RAB20: variants seen among roughly 807,000 people sequenced by gnomAD.
RAB20 encodes RAB20, member RAS oncogene family, also known as ras-related protein Rab-20.
In RAB20, 2 loss-of-function variants were observed where a neutral mutation model predicts 3.7. That is an observed-to-expected ratio of 0.54 (90% CI 0.22 to 1.69). The LOEUF (loss-of-function observed/expected upper bound fraction) is 1.69. Among genes scored for constraint, RAB20 ranks in the 40% most tolerant of loss-of-function variants. The pLI is 0.19. For synonymous variants in RAB20, 126 were observed against 130.8 expected, an observed-to-expected ratio of 0.96 and a Z score of 0.25; for missense variants, 276 against 311.9, an observed-to-expected ratio of 0.88 and a Z score of 0.87.
intron 1 of RAB20, among the ~76,000 whole-genome samples, chr13:110,542,070 GTTTTAA>G (rs1421802821): frequency 1.3e-5 from 2 of 152,070 alleles, no homozygotes; most frequent in East Asian, 1.9e-4. Context: ...GTTTTGTTTT[GTTTTAA>G]TTTTATTATT....
In RAB20 at chr13:110,525,553, G is replaced by A. The variant is rs1015379104; in HGVS notation, c.173-1356C>T. Among the ~76,000 whole-genome samples the A allele has an allele frequency of 5.0e-4, 76 of 152,228 alleles. 1 individual carries two copies. Among genetic ancestry groups the A allele is most frequent in the African/African-American group, 1.8e-3 (75 of 41,450 alleles). ...TCAAGGGCTACCTAGGAACTTTCTG[G>A]CAGAATTCTGAACCCCTGTCTGTAG... On this transcript the variant is annotated intron_variant, in intron 1 of 1. Coordinates refer to ENST00000267328, the MANE Select transcript of RAB20 (RefSeq NM_017817.3).
intron 1 of RAB20, among the ~76,000 whole-genome samples, chr13:110,536,548 C>T (rs555546125): frequency 6.6e-6 from 1 of 152,254 alleles, no homozygotes; most frequent in South Asian, 2.1e-4. Context: ...GTGAACCCCA[C>T]TAAAGGAGAA....
chr13:110,542,994 G>A (rs1266437467), intron 1 of RAB20, among the ~76,000 whole-genome samples: 2 of 152,170 alleles, frequency 1.3e-5, no homozygotes, highest in Admixed American at 6.5e-5. Flanking sequence ...TCTAACAGGT[G>A]CGACCTGACA....
chr13:110,531,665 T>C (rs1884543398), intron 1 of RAB20, among the ~76,000 whole-genome samples: 1 of 152,170 alleles, frequency 6.6e-6, no homozygotes, highest in African/African-American at 2.4e-5. Context: ...AATCGTGAGA[T>C]TCCTCCCAAA....
At chr13:110,531,112 T>C (rs1327914083) in intron 1 of RAB20, among the ~76,000 whole-genome samples, 2 of 152,180 alleles carry the variant, frequency 1.3e-5, no homozygotes, top group Non-Finnish European at 2.9e-5. Flanking sequence ...AGGCTTCCCT[T>C]TCCCATGTTT....
intron 1 of RAB20, among the ~76,000 whole-genome samples, chr13:110,547,812 T>C (rs749140214): frequency 2.0e-5 from 3 of 152,236 alleles, no homozygotes; most frequent in Non-Finnish European, 4.4e-5. Flanking sequence ...CCAAAGTCTG[T>C]AGACTGGAAC....
In RAB20 at chr13:110,523,850, C is replaced by G. The variant is rs1335250813; in HGVS notation, c.520G>C (p.Ala174Pro). The change falls in exon 2 of 2, where the codon GCC becomes CCC. Residue 174 changes from alanine to proline, a missense_variant. By Grantham distance (27) the Ala-to-Pro change is conservative (BLOSUM62 -1). Coordinates refer to ENST00000267328, the MANE Select transcript of RAB20 (RefSeq NM_017817.3). Reference sequence around the variant, plus strand: ...GTCTCAAAGCACATTTGCTCAGCGGCCGGCACATCCTGCTCATCCAGCATC... The same window carrying G: ...GTCTCAAAGCACATTTGCTCAGCGGGCGGCACATCCTGCTCATCCAGCATC... The part of the protein sequence containing the change: ...YKMLDEQDVP[A>P]AEQMCFETSA... The G allele has an allele frequency of 6.2e-7, 1 of 1,614,216 alleles. No individual in the cohort carries two copies. The highest frequency in any genetic ancestry group is 8.5e-7 in the Non-Finnish European group (1 of 1,180,046).
At chr13:110,559,546 C>T (rs1885097962) in intron 1 of RAB20, among the ~76,000 whole-genome samples, 1 of 152,208 alleles carries the variant, frequency 6.6e-6, no homozygotes, top group Admixed American at 6.5e-5. Flanking sequence ...GCAAGGGCCG[C>T]CTGAGTGTGT....
rs749843687 is a variant in RAB20 at position 110,523,793 on chromosome 13, G to C, written c.577C>G (p.Leu193Val). 1 of 1,614,214 alleles carries C rather than the reference G, an allele frequency of 6.2e-7. No homozygotes were observed. The highest frequency in any genetic ancestry group is 8.5e-7 in the Non-Finnish European group (1 of 1,180,048). Residue 193 changes from leucine (L) to valine (V), a missense_variant, in exon 2 of 2, where the codon CTG (leucine) becomes GTG (valine). Transcript: ENST00000267328. ...SAKTGYNVDL[L>V]FETLFDLVVP... ...ACCAGGTCAAAGAGGGTCTCAAACA[G>C]GAGGTCCACATTGTAGCCGGTCTTG...
In RAB20 at chr13:110,523,301, C is replaced by T. The variant is rs1247105236; in HGVS notation, c.*364G>A. On this transcript the variant is annotated 3_prime_UTR_variant, in exon 2 of 2. Coordinates refer to ENST00000267328, the MANE Select transcript of RAB20 (RefSeq NM_017817.3). Reference sequence around the variant, plus strand: ...GTGGTAACAACCCAGGGTGCTGAAACGGTCAGAGGTGCAGGTGCAGACGCA... The same window carrying T: ...GTGGTAACAACCCAGGGTGCTGAAATGGTCAGAGGTGCAGGTGCAGACGCA... 11 of 455,912 alleles carry T rather than the reference C, an allele frequency of 2.4e-5. No homozygotes were observed. Among genetic ancestry groups the T allele is most frequent in the African/African-American group, 1.2e-4 (6 of 50,442 alleles). 28.2% of individuals were successfully genotyped at this position (455,912 alleles called of 1,614,324 possible).
At chr13:110,558,380 CTTT>C (rs34187531) in intron 1 of RAB20, among the ~76,000 whole-genome samples, 3 of 119,348 alleles carry the variant, frequency 2.5e-5, no homozygotes, top group African/African-American at 9.4e-5. Flanking sequence ...TGTCTTCCCA[CTTT>C]TTTTTTTTTT....
At chr13:110,549,975 C>T (rs915570677) in intron 1 of RAB20, among the ~76,000 whole-genome samples, 7 of 152,206 alleles carry the variant, frequency 4.6e-5, no homozygotes, top group Middle Eastern at 3.2e-3. Flanking sequence ...CTACCCTCCT[C>T]GGCCTCCCAC....
At chr13:110,553,295 T>A (rs1420263044) in intron 1 of RAB20, among the ~76,000 whole-genome samples, 1 of 152,224 alleles carries the variant, frequency 6.6e-6, no homozygotes, top group East Asian at 1.9e-4. Context: ...CTCACTCCAC[T>A]CTAGCTCAGT....
chr13:110,538,663 C>T (rs1884699071), intron 1 of RAB20, among the ~76,000 whole-genome samples: 1 of 150,666 alleles, frequency 6.6e-6, no homozygotes, highest in East Asian at 2.0e-4. Flanking sequence ...AAAGGCTGAG[C>T]AAACCCAAAA....
At chr13:110,541,869 G>A (rs1884769884) in intron 1 of RAB20, among the ~76,000 whole-genome samples, 1 of 150,860 alleles carries the variant, frequency 6.6e-6, no homozygotes, top group African/African-American at 2.5e-5. Context: ...TACATGCCAT[G>A]CACACATACA....
In RAB20 at chr13:110,528,180, G is replaced by A. The variant is rs546446481; in HGVS notation, c.173-3983C>T. 3.9e-5 allele frequency among the ~76,000 whole-genome samples: 6 copies of A among 152,128 alleles called. No individual in the cohort carries two copies. The South Asian group carries it at 1.0e-3, about 26-fold the overall frequency. ...GCCTGGAATCCCAGCACTTTGGGAC[G>A]CCGGGGTGGGCGGATCACCTGAGTT... On this transcript the variant is annotated intron_variant, in intron 1 of 1. Coordinates refer to ENST00000267328, the MANE Select transcript of RAB20 (RefSeq NM_017817.3).
Position 110,526,194 on chromosome 13 carries a change from G to A in RAB20, c.173-1997C>T, listed in dbSNP as rs75179850. On this transcript the variant is annotated intron_variant, in intron 1 of 1. Coordinates refer to ENST00000267328, the MANE Select transcript of RAB20 (RefSeq NM_017817.3). ...AGAGGAGGGAGAGCTGGGAACGACT[G>A]ACAGCACTGGCCTCCACTCTCGAGC... 4.6e-5 allele frequency among the ~76,000 whole-genome samples: 7 copies of A among 151,828 alleles called. No individual in the cohort carries two copies. The South Asian group carries it at 6.2e-4, about 13-fold the overall frequency.
chr13:110,548,724 A>T (rs571976318), intron 1 of RAB20, among the ~76,000 whole-genome samples: 3 of 152,084 alleles, frequency 2.0e-5, no homozygotes, highest in East Asian at 1.9e-4. Flanking sequence ...GTGGACTTTG[A>T]CAAAAACCCA....
intron 1 of RAB20, among the ~76,000 whole-genome samples, chr13:110,551,993 C>T (rs1488229753): frequency 6.6e-6 from 1 of 151,536 alleles, no homozygotes; most frequent in Non-Finnish European, 1.5e-5. Flanking sequence ...GGGAGGACTG[C>T]TTGAGCCCAC....
Sources: gnomAD v4.1 joint callset for allele counts (sites outside exome capture counted in the v4.1 genomes callset) on GRCh38, gnomAD v4.1.1 for gene constraint, MANE v1.5 for transcripts, NCBI Gene and HGNC (gene_info 2026-07-23, HGNC 2026-07-21) for gene names.